TMEM132D: variants seen among roughly 807,000 people sequenced by gnomAD.
The protein encoded by TMEM132D is mature OL transmembrane protein.
In TMEM132D, 21 loss-of-function variants were observed where a neutral mutation model predicts 62.3. That is an observed-to-expected ratio of 0.34 (90% confidence interval 0.24 to 0.49). The LOEUF is 0.49. Ranked by LOEUF, TMEM132D falls within the 20% of genes least tolerant of loss-of-function variation. The pLI, the probability that TMEM132D is intolerant of heterozygous loss-of-function variation, is 0.99. For synonymous variants in TMEM132D, 621 were observed against 575.6 expected, an observed-to-expected ratio of 1.08 and a Z score of -1.13; for missense variants, 1,346 against 1,402.8, an observed-to-expected ratio of 0.96 and a Z score of 0.65.
intron 2 of TMEM132D, among the ~76,000 whole-genome samples, chr12:129,558,404 A>G (rs540641307): frequency 2.7e-4 from 41 of 152,190 alleles, no homozygotes; most frequent in Non-Finnish European, 4.3e-4. Context: ...GAATATTTCA[A>G]TTAGAGAGTG....
chr12:129,268,627 C>T (rs1003589753), intron 4 of TMEM132D, among the ~76,000 whole-genome samples: 10 of 152,132 alleles, frequency 6.6e-5, no homozygotes, highest in Non-Finnish European at 1.3e-4. Context: ...GACAGTGTGG[C>T]GATTCCTCAA....
chr12:129,385,082 GTTCTTTTT>G (rs1871069697), intron 3 of TMEM132D, among the ~76,000 whole-genome samples: 1 of 112,516 alleles, frequency 8.9e-6, no homozygotes, highest in African/African-American at 3.8e-5. Flanking sequence ...CACTGTTAAA[GTTCTTTTT>G]TTTTTTTTTT....
At chr12:129,465,937 C>A (rs1873876910) in intron 3 of TMEM132D, among the ~76,000 whole-genome samples, 1 of 152,198 alleles carries the variant, frequency 6.6e-6, no homozygotes, top group Non-Finnish European at 1.5e-5. Flanking sequence ...CCTGCCTCAG[C>A]CTCCCAAAGT....
At chr12:129,338,825 C>A (rs1415148228) in intron 3 of TMEM132D, among the ~76,000 whole-genome samples, 2 of 152,218 alleles carry the variant, frequency 1.3e-5, no homozygotes, top group Non-Finnish European at 2.9e-5. Context: ...ATCACACCGT[C>A]AATCTCACCC....
At chr12:129,337,568 G>A (rs2135657659) in intron 4 of TMEM132D, 66 bp downstream of exon 4, 4 of 1,594,844 alleles carry the variant, frequency 2.5e-6, no homozygotes, top group South Asian at 2.2e-5. Flanking sequence ...CTGGGACTCA[G>A]TGCGGCGCCG....
chr12:129,708,537 C>G (rs1881557577), intron 1 of TMEM132D, among the ~76,000 whole-genome samples: 1 of 151,018 alleles, frequency 6.6e-6, no homozygotes, highest in Non-Finnish European at 1.5e-5. Flanking sequence ...GCAGCTGCCA[C>G]CCCCAGCCCA....
At chr12:129,673,843 C>T (rs1251475986) in intron 2 of TMEM132D, among the ~76,000 whole-genome samples, 1 of 152,084 alleles carries the variant, frequency 6.6e-6, no homozygotes, top group Non-Finnish European at 1.5e-5. Context: ...CAGAAATAGG[C>T]CATTTAATTC....
chr12:129,462,453 G>T (rs1873709451), intron 3 of TMEM132D, among the ~76,000 whole-genome samples: 2 of 152,096 alleles, frequency 1.3e-5, no homozygotes, highest in South Asian at 4.1e-4. Context: ...AAAAAAAATT[G>T]TTACAATCTG....
At chr12:129,891,562 G>T (rs1302519146) in intron 1 of TMEM132D, among the ~76,000 whole-genome samples, 1 of 152,188 alleles carries the variant, frequency 6.6e-6, no homozygotes, top group Non-Finnish European at 1.5e-5. Context: ...AAATGGTGCA[G>T]CCCTTTCAGG....
At chr12:129,225,604 T>C (rs1384095394) in intron 4 of TMEM132D, among the ~76,000 whole-genome samples, 1 of 152,136 alleles carries the variant, frequency 6.6e-6, no homozygotes, top group Non-Finnish European at 1.5e-5. Context: ...CCACAGAGAG[T>C]TCTTATGCGG....
rs904158824 is a variant in TMEM132D, at chr12:129,467,896, G to A, written c.1115+63163C>T. ...CGGAAGGAGGCAAGCCCAGAACCGC[G>A]CTTTAGAGGGATTAATCAAGCAGCT... On this transcript the variant is annotated intron_variant, in intron 3 of 8. Coordinates refer to ENST00000422113, the MANE Select transcript of TMEM132D (RefSeq NM_133448.3). 2.0e-5 allele frequency among the ~76,000 whole-genome samples: 3 copies of A among 152,242 alleles called. No homozygotes were observed. In the East Asian group the frequency reaches 5.8e-4, roughly 29 times the overall value.
rs537028274 is a variant in TMEM132D, at chr12:129,371,077, A to G, written c.1116-33260T>C. On this transcript the variant is annotated intron_variant, in intron 3 of 8. Coordinates refer to ENST00000422113, the MANE Select transcript of TMEM132D (RefSeq NM_133448.3). This position sits in a 1 kb window ranked among gnomAD's most constrained non-coding sequence, Gnocchi z 4.3. ...AAAACAGATAAATATTTGATGTGAT[A>G]GACCCAATTACCTTGATTCGATCAT... Among the ~76,000 whole-genome samples the G allele has an allele frequency of 2.2e-4, 33 of 152,384 alleles. No homozygotes were observed. The highest frequency in any genetic ancestry group is 7.2e-4 in the African/African-American group (30 of 41,600).
At chr12:129,799,254 C>G (rs1423797223) in intron 1 of TMEM132D, among the ~76,000 whole-genome samples, 1 of 151,904 alleles carries the variant, frequency 6.6e-6, no homozygotes, top group Non-Finnish European at 1.5e-5. Flanking sequence ...ACACTCCACC[C>G]TGGGCAACAA....
chr12:129,826,142 G>C (rs576188059), intron 1 of TMEM132D, among the ~76,000 whole-genome samples: 68 of 152,244 alleles, frequency 4.5e-4, no homozygotes, highest in Non-Finnish European at 8.5e-4. Context: ...CTGTGCAGAA[G>C]GGCCACATGT....
At chr12:129,425,278 T>C (rs993551991) in intron 3 of TMEM132D, among the ~76,000 whole-genome samples, 14 of 152,186 alleles carry the variant, frequency 9.2e-5, no homozygotes, top group Admixed American at 3.9e-4. Flanking sequence ...CACTTGAAAC[T>C]GCTGGCCCAT....
chr12:129,870,205 A>G (rs1593193454), intron 1 of TMEM132D, among the ~76,000 whole-genome samples: 1 of 151,970 alleles, frequency 6.6e-6, no homozygotes, highest in African/African-American at 2.4e-5. Context: ...TTGGTCTAGA[A>G]CCCCTGGGCT....
intron 1 of TMEM132D, among the ~76,000 whole-genome samples, chr12:129,722,227 G>A (rs1868860069): frequency 2.0e-5 from 3 of 152,140 alleles, no homozygotes; most frequent in South Asian, 2.1e-4. Context: ...CTCCTGAAGC[G>A]CAGGCTGCTG....
chr12:129,230,238 T>C (rs923329430), intron 4 of TMEM132D, among the ~76,000 whole-genome samples: 4 of 150,236 alleles, frequency 2.7e-5, no homozygotes, highest in Admixed American at 2.0e-4. Flanking sequence ...GCCATCCCCT[T>C]CCTCAGCTCC....
intron 5 of TMEM132D, among the ~76,000 whole-genome samples, chr12:129,136,681 CCAT>C (rs574629744): frequency 6.0e-4 from 85 of 141,306 alleles, no homozygotes; most frequent in African/African-American, 1.9e-3. Flanking sequence ...ATCATCACTG[CCAT>C]CATCATCAAC....
Sources: gnomAD v4.1 joint callset for allele counts (sites outside exome capture counted in the v4.1 genomes callset) on GRCh38, gnomAD v4.1.1 for gene constraint, Gnocchi (gnomAD v3.1) non-coding constraint, MANE v1.5 for transcripts, NCBI Gene and HGNC (gene_info 2026-07-23, HGNC 2026-07-21) for gene names.